Variants in GOLGA8N observed in about 807,000 individuals in gnomAD.
GOLGA8N encodes golgin A8 family member N, also known as golgin subfamily A member 8N.
In GOLGA8N, 2 loss-of-function variants were observed where a neutral mutation model predicts 22.0. The ratio of observed to expected loss-of-function variants is 0.09; its 90% CI spans 0.04 to 0.29. The LOEUF (loss-of-function observed/expected upper bound fraction) is 0.29, where lower values mean the gene tolerates loss of function less well. Among genes scored for constraint, GOLGA8N ranks in the 10% least tolerant of loss-of-function variants. GOLGA8N has a pLI of 1.00. For missense variants in GOLGA8N, 10 were observed against 164.7 expected (o/e 0.06, Z 5.14); for synonymous variants, 2 against 58.7 (o/e 0.03, Z 4.41).
intron 1 of GOLGA8N, chr15:32,593,817 G>C: frequency 8.1e-7 from 1 of 1,235,206 alleles, no homozygotes; most frequent in South Asian, 1.3e-5. Flanking sequence ...GGGTGACTTT[G>C]GGTGGGTGAC....
At chr15:32,606,951 A>C (rs1461285588) in exon 19 of GOLGA8N, 2 of 150,980 alleles carry the variant, frequency 1.3e-5, no homozygotes, top group African/African-American at 4.9e-5. Flanking sequence ...GTATAAAAGA[A>C]AGAAATGGTG....
chr15:32,606,480 T>C (rs1056328268), exon 19 of GOLGA8N: 12 of 151,324 alleles, frequency 7.9e-5, no homozygotes, highest in East Asian at 1.9e-4. Flanking sequence ...GACAATAACT[T>C]AAGTCTTTCT....
At chr15:32,606,748 T>C (rs1180051786) in exon 19 of GOLGA8N, 3 of 133,660 alleles carry the variant, frequency 2.2e-5, no homozygotes, top group Admixed American at 2.2e-4. Context: ...TTTCCAGAAA[T>C]GAAAAAAAAA....
chr15:32,598,545 CGTTGTGT>C (rs1403202167), intron 8 of GOLGA8N, among the ~76,000 whole-genome samples: 1 of 49,294 alleles, frequency 2.0e-5, no homozygotes, highest in Non-Finnish European at 4.5e-5. Context: ...AACGTGTGTG[CGTTGTGT>C]GTGTGTGTGT....
exon 19 of GOLGA8N, chr15:32,606,610 G>T (rs62000954): frequency 1.3e-5 from 2 of 149,068 alleles, no homozygotes; most frequent in African/African-American, 5.0e-5. Context: ...TAGAGTTCAT[G>T]AGAAACATAG....
At position 32,598,661 on chromosome 15, in the gene GOLGA8N, C is replaced by T. The variant is rs1383933257; in HGVS notation, c.591+484C>T. Among the ~76,000 whole-genome samples, 2 of 56,166 alleles carry T rather than the reference C, an allele frequency of 3.6e-5. 1 individual carries two copies. The highest frequency in any genetic ancestry group is 4.1e-4 in the Admixed American group (2 of 4,856). The allele number at this position is 56,166 out of a possible 152,430, so 36.8% of individuals were successfully genotyped here. On this transcript the variant is annotated intron_variant, in intron 8 of 18. Coordinates refer to ENST00000448387, the Ensembl canonical transcript of GOLGA8N. Reference sequence around the variant, plus strand: ...GGCCGGGAGATACTTCCCTTCTGTACCTTCTGAGTTTTGGACTATGCAAAT... The same window carrying T: ...GGCCGGGAGATACTTCCCTTCTGTATCTTCTGAGTTTTGGACTATGCAAAT...
chr15:32,605,427 G>A (rs1400767757), exon 19 of GOLGA8N: 2 of 147,522 alleles, frequency 1.4e-5, no homozygotes, highest in African/African-American at 2.5e-5. Context: ...TACAACCACA[G>A]AGTTATATTT....
At chr15:32,605,311 A>C (rs3927832) in exon 19 of GOLGA8N, 874 of 131,026 alleles carry the variant, frequency 6.7e-3, no homozygotes, top group African/African-American at 0.024. Flanking sequence ...GTATTATACT[A>C]TCTTTGAAAA....
chr15:32,603,142 GGGCA>G, intron 15 of GOLGA8N, 40 bp from the exon 16 acceptor site: 1 of 812,520 alleles, frequency 1.2e-6, no homozygotes. Flanking sequence ...TGCCACCTGA[GGGCA>G]GGTCGCTGCC....
chr15:32,606,885 A>G (rs2052941613), exon 19 of GOLGA8N: 1 of 150,688 alleles, frequency 6.6e-6, no homozygotes, highest in African/African-American at 2.5e-5. Flanking sequence ...AAAAAATGTA[A>G]CTGCTATCTT....
chr15:32,606,832 C>G (rs1378789065), exon 19 of GOLGA8N: 1 of 150,328 alleles, frequency 6.7e-6, no homozygotes, highest in African/African-American at 2.5e-5. Context: ...AATATAGTTT[C>G]TCTAAAACTT....
At chr15:32,605,217 G>A (rs2140421089) in exon 19 of GOLGA8N, 1 of 143,314 alleles carries the variant, frequency 7.0e-6, no homozygotes, top group Non-Finnish European at 1.5e-5. Context: ...TTCTTTGAAT[G>A]GAAAACACTT....
intron 8 of GOLGA8N, among the ~76,000 whole-genome samples, chr15:32,598,690 A>T (rs1355811105): frequency 1.8e-5 from 1 of 55,858 alleles, no homozygotes; most frequent in East Asian, 4.4e-4. Flanking sequence ...TGCAAATGTT[A>T]TCATCCTTTC....
At position 32,598,429 on chromosome 15, in the gene GOLGA8N, G is replaced by T. The variant is rs868733506; in HGVS notation, c.591+252G>T. Among the ~76,000 whole-genome samples, 48 of 56,000 alleles carry T rather than the reference G, an allele frequency of 8.6e-4. 7 individuals carry two copies. The highest frequency in any genetic ancestry group is 1.4e-3 in the African/African-American group (21 of 14,924). The allele number at this position is 56,000 out of a possible 152,430, so 36.7% of individuals were successfully genotyped here. On this transcript the variant is annotated intron_variant, in intron 8 of 18. Transcript: ENST00000448387. ...CAAGTGCCTGCCCCGCCCTTACCTG[G>T]CTGTGGTCTTGGGCAAGTCCTAGTC... is the stretch of plus-strand genomic sequence containing the variant.
chr15:32,607,100 G>C (rs1321943589), exon 19 of GOLGA8N: 2 of 151,844 alleles, frequency 1.3e-5, no homozygotes, highest in Non-Finnish European at 2.9e-5. Context: ...TTTCCCTAGA[G>C]TGGCCTTATT....
At chr15:32,602,991 AGCCAGAGGCG>A (rs1414329035) in intron 15 of GOLGA8N, among the ~76,000 whole-genome samples, 185 bp from the exon 16 acceptor site, 2 of 50,262 alleles carry the variant, frequency 4.0e-5, no homozygotes, top group African/African-American at 1.4e-4. Flanking sequence ...GCCCAGAAGG[AGCCAGAGGCG>A]GCCAGAGGCC....
In GOLGA8N at chr15:32,598,555, G is replaced by C. The variant is rs1250837000; in HGVS notation, c.591+378G>C. Among the ~76,000 whole-genome samples the C allele has an allele frequency of 3.8e-5, 2 of 53,264 alleles. 1 individual carries two copies. The highest frequency in any genetic ancestry group is 4.3e-4 in the Admixed American group (2 of 4,652). 34.9% of individuals were successfully genotyped at this position (53,264 alleles called of 152,430 possible). A position where few individuals can be genotyped will look rare whatever the true frequency, so the allele number is the denominator to read the frequency against. ...GAGGAAACGTGTGTGCGTTGTGTGT[G>C]TGTGTGTGTGCATACTGTGATAATA... On this transcript the variant is annotated intron_variant, in intron 8 of 18. Coordinates refer to ENST00000448387, the Ensembl canonical transcript of GOLGA8N.
chr15:32,606,886 C>T (rs1236011295), exon 19 of GOLGA8N: 1 of 149,946 alleles, frequency 6.7e-6, no homozygotes, highest in African/African-American at 2.5e-5. Context: ...AAAAATGTAA[C>T]TGCTATCTTA....
At chr15:32,606,892 T>G (rs1272418495) in exon 19 of GOLGA8N, 1 of 150,510 alleles carries the variant, frequency 6.6e-6, no homozygotes, top group Non-Finnish European at 1.5e-5. Context: ...GTAACTGCTA[T>G]CTTAATGTTC....
Sources: gnomAD v4.1 joint callset for allele counts (sites outside exome capture counted in the v4.1 genomes callset) on GRCh38, gnomAD v4.1.1 for gene constraint, MANE v1.5 for transcripts, NCBI Gene and HGNC (gene_info 2026-07-23, HGNC 2026-07-21) for gene names.